The following SHROOM2 variants were observed in gnomAD, a reference collection of about 807,000 sequenced individuals.
SHROOM2 encodes the protein shroom family member 2, also known as protein Shroom2.
In SHROOM2, 33 loss-of-function variants were observed where a neutral mutation model predicts 75.9. That is an observed-to-expected ratio of 0.43 (90% CI 0.33 to 0.58). The LOEUF is 0.58. SHROOM2 is among the 20% of genes least tolerant of loss of function. The pLI, the probability that SHROOM2 is intolerant of heterozygous loss-of-function variation, is 0.04. For synonymous variants in SHROOM2, 655 were observed against 663.6 expected, an observed-to-expected ratio of 0.99 and a Z score of 0.20; for missense variants, 1,434 against 1,461.2, an observed-to-expected ratio of 0.98 and a Z score of 0.30.
intron 1 of SHROOM2, among the ~76,000 whole-genome samples, chrX:9,864,442 G>T (rs776720424): frequency 5.4e-5 from 6 of 111,299 alleles, no homozygotes; most frequent in African/African-American, 2.0e-4. Context: ...ACCAAAGCAG[G>T]AGGTCAAGGT....
chrX:9,858,523 C>T (rs997754839), intron 1 of SHROOM2, among the ~76,000 whole-genome samples: 3 of 112,563 alleles, frequency 2.7e-5, no homozygotes, highest in African/African-American at 6.5e-5. Context: ...TCAGTGAGGC[C>T]GCGCACGGTG....
chrX:9,935,337 T>A lies in SHROOM2; in HGVS notation c.3588-1797T>A, dbSNP rs12391945. Among the ~76,000 whole-genome samples the A allele has an allele frequency of 4.4e-3, 332 of 75,241 alleles. 2 individuals carry two copies. Among genetic ancestry groups the A allele is most frequent in the African/African-American group, 0.017 (298 of 17,182 alleles). 65.3% of individuals were successfully genotyped at this position (75,241 alleles called of 115,157 possible). A position where few individuals can be genotyped will look rare whatever the true frequency, so the allele number is the denominator to read the frequency against. ...TATTATTATTATTATTATTATTATTTATTATTATTATGTTTTTAACAGAGA... is the reference window on the plus strand; with the variant it reads ...TATTATTATTATTATTATTATTATTAATTATTATTATGTTTTTAACAGAGA... On this transcript the variant is annotated intron_variant, in intron 6 of 9. Transcript: ENST00000380913.
At chrX:9,860,632 C>T (rs2084098567) in intron 1 of SHROOM2, among the ~76,000 whole-genome samples, 1 of 111,590 alleles carries the variant, frequency 9.0e-6, no homozygotes, top group African/African-American at 3.3e-5. Flanking sequence ...CCATGTTGCC[C>T]AAGCTGGTCT....
In SHROOM2 at chrX:9,851,426, A is replaced by G. The variant is rs751646776; in HGVS notation, c.166-22226A>G. Among the ~76,000 whole-genome samples the G allele has an allele frequency of 5.0e-5, 5 of 100,128 alleles. No individual in the cohort carries two copies. In the East Asian group the frequency reaches 1.6e-3, roughly 33 times the overall value. The allele number at this position is 100,128 out of a possible 115,157, so 86.9% of individuals were successfully genotyped here. On this transcript the variant is annotated intron_variant, in intron 1 of 9. Coordinates refer to ENST00000380913, the MANE Select transcript of SHROOM2 (RefSeq NM_001649.4). ...CCTTTTTTGTAATATGATGGTAACAATGTTTCAACCAGGATATTGCTTTTT... is the reference window on the plus strand; with the variant it reads ...CCTTTTTTGTAATATGATGGTAACAGTGTTTCAACCAGGATATTGCTTTTT...
At chrX:9,922,546 A>T (rs1389443245) in intron 5 of SHROOM2, among the ~76,000 whole-genome samples, 1 of 109,012 alleles carries the variant, frequency 9.2e-6, no homozygotes, top group Non-Finnish European at 1.9e-5. Flanking sequence ...TTGACCCTTC[A>T]TTCAGGGTCG....
chrX:9,943,832 T>C (rs1405195291), intron 8 of SHROOM2, among the ~76,000 whole-genome samples: 2 of 112,545 alleles, frequency 1.8e-5, no homozygotes, highest in Non-Finnish European at 3.7e-5. Flanking sequence ...AATTTTTATA[T>C]GCTAGTATTA....
intron 1 of SHROOM2, among the ~76,000 whole-genome samples, chrX:9,821,301 A>G (rs983718491): frequency 2.7e-5 from 3 of 112,049 alleles, no homozygotes; most frequent in Non-Finnish European, 5.6e-5. Context: ...ACTGGCTCAG[A>G]TGGTTTTATA....
chrX:9,944,724 C>T lies in SHROOM2; in HGVS notation c.4395C>T (p.Asn1465=). Residue 1465 remains asparagine, a synonymous_variant, in exon 9 of 10, where the codon AAC becomes AAT. Coordinates refer to ENST00000380913, the MANE Select transcript of SHROOM2 (RefSeq NM_001649.4). ...GCCTGCTGGAGGACGTGCAGGCCAA[C>T]ACCGTGCTGGGGGCCGAGGTGGAGG... ...RESLLEDVQA[N]TVLGAEVEAI... is the part of the protein sequence containing the mutation. 1 of 1,212,100 alleles carries T rather than the reference C, an allele frequency of 8.3e-7. No individual in the cohort carries two copies. The highest frequency in any genetic ancestry group is 1.1e-6 in the Non-Finnish European group (1 of 895,544).
intron 1 of SHROOM2, among the ~76,000 whole-genome samples, chrX:9,863,921 T>G (rs917441180): frequency 2.7e-5 from 3 of 111,739 alleles, no homozygotes; most frequent in Non-Finnish European, 5.6e-5. Context: ...ACAGAAAATC[T>G]AAAGAGCTGT....
At chrX:9,898,160 C>T in intron 4 of SHROOM2, 30 bp from the exon 5 acceptor site, 7 of 1,113,912 alleles carry the variant, frequency 6.3e-6, no homozygotes, top group Non-Finnish European at 8.5e-6. Flanking sequence ...AGCTTGAGGA[C>T]TTGGTGTCTC....
At chrX:9,908,944 AAAATAAATAAAT>A (rs57235803) in intron 5 of SHROOM2, among the ~76,000 whole-genome samples, 1 of 102,959 alleles carries the variant, frequency 9.7e-6, no homozygotes, top group Admixed American at 1.1e-4. Context: ...CCCTCTCTCA[AAAATAAATAAAT>A]AAATAAATAA....
intron 1 of SHROOM2, among the ~76,000 whole-genome samples, chrX:9,793,165 C>T (rs1170934075): frequency 8.9e-6 from 1 of 112,127 alleles, no homozygotes; most frequent in Non-Finnish European, 1.9e-5. Flanking sequence ...ACTATCAAAA[C>T]GTCTTAGCTG....
At chrX:9,945,693 G>A (rs2084812474) in intron 9 of SHROOM2, among the ~76,000 whole-genome samples, 1 of 111,508 alleles carries the variant, frequency 9.0e-6, no homozygotes, top group South Asian at 3.8e-4. Flanking sequence ...GGTTGTAGCT[G>A]TGATTTAACA....
chrX:9,844,147 C>G (rs2083993645), intron 1 of SHROOM2, among the ~76,000 whole-genome samples: 2 of 111,978 alleles, frequency 1.8e-5, no homozygotes, highest in Admixed American at 1.9e-4. Flanking sequence ...TTGTCCCAGA[C>G]AGGAGGGTCT....
intron 1 of SHROOM2, 146 bp downstream of exon 1, chrX:9,786,856 C>T (rs1348001923): frequency 2.7e-6 from 1 of 365,850 alleles, no homozygotes; most frequent in Non-Finnish European, 3.8e-6. Context: ...CGGGCCTGGG[C>T]GCCGGGACCG....
intron 1 of SHROOM2, among the ~76,000 whole-genome samples, chrX:9,864,078 TC>T (rs2084119608): frequency 9.0e-6 from 1 of 110,907 alleles, no homozygotes; most frequent in African/African-American, 3.3e-5. Flanking sequence ...CGAGTCTGTC[TC>T]CGGGCGAAAC....
chrX:9,907,417 C>G (rs767950765), intron 5 of SHROOM2, among the ~76,000 whole-genome samples: 225 of 111,275 alleles, frequency 2.0e-3, no homozygotes, highest in African/African-American at 6.7e-3. Flanking sequence ...CTCCCCTTCT[C>G]CTAAGCAAAT....
At chrX:9,865,874 T>G (rs1327730684) in intron 1 of SHROOM2, among the ~76,000 whole-genome samples, 2 of 110,357 alleles carry the variant, frequency 1.8e-5, no homozygotes, top group Non-Finnish European at 3.8e-5. Flanking sequence ...GCTGCCTTTT[T>G]GGGCTTCATT....
At chrX:9,805,629 C>T (rs188084774) in intron 1 of SHROOM2, among the ~76,000 whole-genome samples, 34 of 111,789 alleles carry the variant, frequency 3.0e-4, no homozygotes, top group Admixed American at 2.9e-3. Flanking sequence ...CCCAGCTGCT[C>T]GGGAGGCTGA....
Sources: allele counts gnomAD v4.1 joint callset (sites outside exome capture counted in the v4.1 genomes callset), GRCh38; gene constraint gnomAD v4.1.1; transcripts MANE v1.5; gene names NCBI Gene and HGNC (gene_info 2026-07-23, HGNC 2026-07-21).